VWC2: variants seen among roughly 807,000 people sequenced by gnomAD.
The protein encoded by VWC2 is von Willebrand factor C domain containing 2.
A neutral mutation model predicts 29.8 loss-of-function variants in VWC2; 14 were observed. That is an observed-to-expected ratio of 0.47 (90% CI 0.31 to 0.74). VWC2 has a LOEUF of 0.74. Among genes scored for constraint, VWC2 ranks in the 30% least tolerant of loss-of-function variants. The pLI is 0.05. For missense variants in VWC2, 457 were observed against 459.8 expected (o/e 0.99, Z 0.05); for synonymous variants, 213 against 199.0 (o/e 1.07, Z -0.59).
At chr7:49,780,945 C>T (rs1271406419) in intron 2 of VWC2, among the ~76,000 whole-genome samples, 2 of 152,184 alleles carry the variant, frequency 1.3e-5, no homozygotes, top group Non-Finnish European at 2.9e-5. Context: ...GGAATCAAAA[C>T]CTTCATCTAA....
At chr7:49,846,806 T>G (rs930359933) in intron 3 of VWC2, among the ~76,000 whole-genome samples, 2 of 152,224 alleles carry the variant, frequency 1.3e-5, no homozygotes, top group Non-Finnish European at 2.9e-5. Context: ...TATACATATG[T>G]AAATTTCCCC....
chr7:49,862,000 C>G (rs1790668952), intron 3 of VWC2, among the ~76,000 whole-genome samples: 1 of 152,032 alleles, frequency 6.6e-6, no homozygotes. Context: ...ATAGGCTTTT[C>G]CATTTCCATA....
chr7:49,885,314 G>A (rs538749700), intron 3 of VWC2, among the ~76,000 whole-genome samples: 1 of 152,056 alleles, frequency 6.6e-6, no homozygotes, highest in East Asian at 1.9e-4. Flanking sequence ...ATTTCATAAC[G>A]TTAGGATAAT....
intron 3 of VWC2, among the ~76,000 whole-genome samples, chr7:49,823,270 T>C (rs1243058296): frequency 1.3e-5 from 2 of 152,084 alleles, no homozygotes; most frequent in African/African-American, 4.8e-5. Flanking sequence ...AGGCTGCCAC[T>C]TGGGCTACAC....
chr7:49,861,393 C>G (rs1790649038), intron 3 of VWC2, among the ~76,000 whole-genome samples: 2 of 151,980 alleles, frequency 1.3e-5, no homozygotes, highest in Admixed American at 1.3e-4. Flanking sequence ...AATATTAAGC[C>G]CTTATCAAAT....
At chr7:49,833,249 G>A (rs1789576877) in intron 3 of VWC2, among the ~76,000 whole-genome samples, 1 of 152,166 alleles carries the variant, frequency 6.6e-6, no homozygotes, top group Non-Finnish European at 1.5e-5. Flanking sequence ...GTTCAGTTTT[G>A]TCTGTGGTAA....
At chr7:49,882,031 G>A (rs1038731044) in intron 3 of VWC2, among the ~76,000 whole-genome samples, 11 of 151,556 alleles carry the variant, frequency 7.3e-5, no homozygotes, top group African/African-American at 7.3e-5. Context: ...GCACCCAAGC[G>A]CCATCTGCCA....
intron 3 of VWC2, among the ~76,000 whole-genome samples, chr7:49,859,125 C>T (rs1562736218): frequency 1.3e-5 from 2 of 152,192 alleles, no homozygotes; most frequent in South Asian, 2.1e-4. Context: ...GAGAATTTCA[C>T]TGATGGGGCA....
chr7:49,818,899 A>G (rs6965978), intron 3 of VWC2, among the ~76,000 whole-genome samples: 1 of 149,662 alleles, frequency 6.7e-6, no homozygotes, highest in African/African-American at 2.4e-5. Flanking sequence ...ATTCATATAT[A>G]TATGAATTTG....
intron 3 of VWC2, among the ~76,000 whole-genome samples, chr7:49,860,732 T>C (rs1202019154): frequency 1.3e-5 from 2 of 152,152 alleles, no homozygotes; most frequent in African/African-American, 4.8e-5. Context: ...GTAGATAGAG[T>C]CATTAAAGAT....
At chr7:49,854,592 C>A (rs1790337935) in intron 3 of VWC2, among the ~76,000 whole-genome samples, 1 of 152,176 alleles carries the variant, frequency 6.6e-6, no homozygotes, top group Admixed American at 6.5e-5. Flanking sequence ...TGTTTGAGTT[C>A]TTTGCAGATT....
At chr7:49,888,712 A>T (rs544579218) in intron 3 of VWC2, among the ~76,000 whole-genome samples, 1 of 152,226 alleles carries the variant, frequency 6.6e-6, no homozygotes, top group South Asian at 2.1e-4. Flanking sequence ...GGAGTTCTAG[A>T]TTAGCCTGGC....
At chr7:49,885,120 A>T (rs185810682) in intron 3 of VWC2, among the ~76,000 whole-genome samples, 1 of 152,234 alleles carries the variant, frequency 6.6e-6, no homozygotes, top group East Asian at 1.9e-4. Flanking sequence ...GGGTTCACTA[A>T]AAGTATCTCT....
chr7:49,784,626 C>G (rs1044820291), intron 2 of VWC2, among the ~76,000 whole-genome samples: 18 of 152,190 alleles, frequency 1.2e-4, no homozygotes, highest in Non-Finnish European at 2.5e-4. Context: ...TTTCAATGGG[C>G]CTTGGCTCTG....
chr7:49,907,257 G>A (rs1793153080), intron 3 of VWC2, among the ~76,000 whole-genome samples: 2 of 152,170 alleles, frequency 1.3e-5, no homozygotes, highest in Non-Finnish European at 2.9e-5. Flanking sequence ...GGCTGGAGGT[G>A]GGAGGTAACA....
chr7:49,914,232 G>C lies in VWC2; in HGVS notation c.*2047G>C, dbSNP rs1052157574. 18 of 152,358 alleles carry C rather than the reference G, an allele frequency of 1.2e-4. No individual in the cohort carries two copies. Among genetic ancestry groups the C allele is most frequent in the Admixed American group, 8.5e-4 (13 of 15,300 alleles). The allele number at this position is 152,358 out of a possible 1,614,324, so 9.4% of individuals were successfully genotyped here. ...TGCAGTTAGAGACTCAGTCCATGCA[G>C]CTCAAAGTCTTCCTGTTTCCCTTAA... On this transcript the variant is annotated 3_prime_UTR_variant, in exon 4 of 4. Transcript: ENST00000340652.
intron 3 of VWC2, among the ~76,000 whole-genome samples, chr7:49,896,098 T>C (rs1318042021): frequency 2.6e-5 from 4 of 152,172 alleles, no homozygotes; most frequent in African/African-American, 9.7e-5. Flanking sequence ...ACCAGCACTT[T>C]GGGAGGCCAA....
Position 49,811,518 on chromosome 7 carries a change from G to T in VWC2, c.826+8678G>T, listed in dbSNP as rs140392078. Among the ~76,000 whole-genome samples the T allele has an allele frequency of 4.9e-3, 746 of 152,230 alleles. 3 individuals carry two copies. Among genetic ancestry groups the T allele is most frequent in the African/African-American group, 0.017 (696 of 41,520 alleles). On this transcript the variant is annotated intron_variant, in intron 3 of 3. Transcript: ENST00000340652. Reference sequence around the variant, plus strand: ...CTGCCATGATTGTAAGTTTCCTGAGGCCTCCCCAGCCACACAGAACTGTGA... The same window carrying T: ...CTGCCATGATTGTAAGTTTCCTGAGTCCTCCCCAGCCACACAGAACTGTGA...
chr7:49,789,893 C>A (rs1160624179), intron 2 of VWC2, among the ~76,000 whole-genome samples: 1 of 152,248 alleles, frequency 6.6e-6, no homozygotes, highest in African/African-American at 2.4e-5. Context: ...CCGCTCCCTG[C>A]ACTGGCCCTG....
Sources: gnomAD v4.1 joint callset for allele counts (sites outside exome capture counted in the v4.1 genomes callset) on GRCh38, gnomAD v4.1.1 for gene constraint, MANE v1.5 for transcripts, NCBI Gene and HGNC (gene_info 2026-07-23, HGNC 2026-07-21) for gene names.